The following MAGEB16 variants were observed in gnomAD, a reference collection of about 807,000 sequenced individuals.
MAGEB16 encodes melanoma-associated antigen B16.
For missense variants in MAGEB16, 217 were observed against 234.0 expected (o/e 0.93, Z 0.47); for synonymous variants, 95 against 92.1 (o/e 1.03, Z -0.18).
At chrX:35,801,252 C>T (rs1934859968) in intron 1 of MAGEB16, 1 of 112,190 alleles carries the variant, frequency 8.9e-6, no homozygotes, top group Non-Finnish European at 1.9e-5. Context: ...AGTGTACAGC[C>T]TTTGTTATTA....
At chrX:35,800,359 G>A (rs1934852098) in intron 1 of MAGEB16, among the ~76,000 whole-genome samples, 1 of 111,298 alleles carries the variant, frequency 9.0e-6, no homozygotes, top group South Asian at 3.8e-4. Context: ...CTCAGGAAGT[G>A]AGTGTCATGG....
At chrX:35,803,691 A>G (rs1295898985) in exon 2 of MAGEB16, 2 of 123,886 alleles carry the variant, frequency 1.6e-5, no homozygotes, top group Non-Finnish European at 3.7e-5. Flanking sequence ...ATCCATCTAT[A>G]TTGTGTTCTA....
chrX:35,802,241 C>T (rs928586346), exon 2 of MAGEB16: 4 of 1,209,336 alleles, frequency 3.3e-6, no homozygotes, highest in Non-Finnish European at 4.5e-6. Context: ...ATGATCAGCA[C>T]CTTCAGACCT....
At chrX:35,802,633 A>G in exon 2 of MAGEB16, 1 of 1,211,050 alleles carries the variant, frequency 8.3e-7, no homozygotes, top group Non-Finnish European at 1.1e-6. Context: ...ATCATCAAAG[A>G]TGATGAGAGC....
intron 1 of MAGEB16, among the ~76,000 whole-genome samples, chrX:35,801,737 G>C (rs1370176603): frequency 8.9e-6 from 1 of 112,856 alleles, no homozygotes; most frequent in Non-Finnish European, 1.9e-5. Context: ...AACTGGAGGA[G>C]GTACCTGACA....
rs991518925 is a variant in MAGEB16, at chrX:35,802,736, T to C, written c.540T>C (p.Tyr180=). Reference sequence around the variant, plus strand: ...AGGTGGACCCCACCACCCATTGCTATGGCCTCTTCATCAAACTGGGCCTCA... The same window carrying C: ...AGGTGGACCCCACCACCCATTGCTACGGCCTCTTCATCAAACTGGGCCTCA... The change falls in exon 2 of 2, where the codon TAT becomes TAC. Residue 180 remains tyrosine, a synonymous_variant. Transcript: ENST00000399988. 1.1e-5 allele frequency: 13 copies of C among 1,211,487 alleles called. 1 individual carries two copies. In the Middle Eastern group the frequency reaches 1.4e-3, roughly 128 times the overall value.
intron 1 of MAGEB16, among the ~76,000 whole-genome samples, chrX:35,799,599 C>A (rs1218284745): frequency 9.0e-6 from 1 of 111,139 alleles, no homozygotes; most frequent in African/African-American, 3.3e-5. Context: ...TCATTGAGTT[C>A]TGTCAGAAGG....
chrX:35,802,380 C>G (rs777715075), exon 2 of MAGEB16: 15 of 1,205,834 alleles, frequency 1.2e-5, no homozygotes, highest in Non-Finnish European at 1.7e-5. Flanking sequence ...AGAGAGTCCT[C>G]TTGAGGTTCC....
At chrX:35,802,418 C>A (rs368062924) in exon 2 of MAGEB16, 15 of 1,208,669 alleles carry the variant, frequency 1.2e-5, no homozygotes, top group Non-Finnish European at 1.7e-5. Flanking sequence ...CTTCCATTGC[C>A]GTCACAACCA....
chrX:35,802,353 G>A, exon 2 of MAGEB16: 1 of 1,209,067 alleles, frequency 8.3e-7, no homozygotes. Flanking sequence ...ACTGAAGGAA[G>A]CTCCTGCTGC....
rs182889103 is a variant in MAGEB16, at chrX:35,800,949, A to G, written c.-66-1182A>G. On this transcript the variant is annotated intron_variant, in intron 1 of 1. Transcript: ENST00000399988. ...GATTGGGTGTCCAGGAAGTGCAAGGAGTTAACATAGAGACACAGAGTAAGG... is the reference window on the plus strand; with the variant it reads ...GATTGGGTGTCCAGGAAGTGCAAGGGGTTAACATAGAGACACAGAGTAAGG... Among the ~76,000 whole-genome samples the G allele has an allele frequency of 7.6e-3, 850 of 111,380 alleles. 6 individuals carry two copies. The highest frequency in any genetic ancestry group is 0.012 in the Non-Finnish European group (643 of 53,027).
chrX:35,801,934 G>A (rs1934864840), intron 1 of MAGEB16, among the ~76,000 whole-genome samples, 197 bp from the exon 2 acceptor site: 1 of 112,106 alleles, frequency 8.9e-6, no homozygotes, highest in Admixed American at 9.4e-5. Flanking sequence ...AAATTCTCAC[G>A]TTGGGTTGGC....
chrX:35,801,681 C>T (rs1397150578), intron 1 of MAGEB16, among the ~76,000 whole-genome samples: 1 of 112,699 alleles, frequency 8.9e-6, no homozygotes, highest in Non-Finnish European at 1.9e-5. Context: ...GTGCCTCTCA[C>T]AGAATCTAGG....
At chrX:35,801,599 G>A (rs1411225273) in intron 1 of MAGEB16, among the ~76,000 whole-genome samples, 2 of 112,086 alleles carry the variant, frequency 1.8e-5, no homozygotes, top group Non-Finnish European at 3.8e-5. Context: ...CAGAAGGAAG[G>A]ATCCCAGGAC....
chrX:35,800,060 C>T (rs754815156), intron 1 of MAGEB16, among the ~76,000 whole-genome samples: 12 of 111,260 alleles, frequency 1.1e-4, no homozygotes, highest in Non-Finnish European at 2.1e-4. Flanking sequence ...AGTCTCCACC[C>T]ATGGTGTCAG....
exon 2 of MAGEB16, chrX:35,802,182 C>T: frequency 8.3e-7 from 1 of 1,211,116 alleles, no homozygotes; most frequent in African/African-American, 1.7e-5. Flanking sequence ...CCTACTGCCA[C>T]CCACAAGGGT....
At chrX:35,802,241 C>A (rs928586346) in exon 2 of MAGEB16, 2 of 1,211,174 alleles carry the variant, frequency 1.7e-6, no homozygotes, top group Non-Finnish European at 2.2e-6. Context: ...ATGATCAGCA[C>A]CTTCAGACCT....
intron 1 of MAGEB16, 43 bp from the exon 2 acceptor site, chrX:35,802,088 G>A: frequency 9.6e-7 from 1 of 1,037,751 alleles, no homozygotes; most frequent in Non-Finnish European, 1.3e-6. Context: ...CCGCAGTTGA[G>A]TTTACCAGCT....
At chrX:35,800,372 T>G (rs1934852227) in intron 1 of MAGEB16, 1 of 443,672 alleles carries the variant, frequency 2.3e-6, no homozygotes, top group Non-Finnish European at 4.0e-6. Flanking sequence ...TGTCATGGTC[T>G]GAATAGCAGC....
Sources: allele counts gnomAD v4.1 joint callset (sites outside exome capture counted in the v4.1 genomes callset), GRCh38; gene constraint gnomAD v4.1.1; transcripts MANE v1.5; gene names NCBI Gene and HGNC (gene_info 2026-07-23, HGNC 2026-07-21).